Variants in FBXW7 observed in about 807,000 individuals in gnomAD.
FBXW7 encodes the protein F-box and WD repeat domain containing 7.
Under a neutral mutation model 86.3 loss-of-function variants are expected in FBXW7, and 11 were observed. The observed-to-expected ratio is 0.13, with a 90% CI of 0.08 to 0.21. The LOEUF is 0.21. Ranked by LOEUF, FBXW7 falls within the 10% of genes least tolerant of loss-of-function variation. The pLI is 1.00. For synonymous variants in FBXW7, 313 were observed against 297.9 expected (o/e 1.05, Z -0.52); for missense variants, 488 against 847.4 (o/e 0.58, Z 5.27).
At chr4:152,337,611 A>G in intron 7 of FBXW7, 191 bp downstream of exon 7, 1 of 500,310 alleles carries the variant, frequency 2.0e-6, no homozygotes, top group Non-Finnish European at 3.4e-6. Context: ...GTTCACATGC[A>G]TTCTTTAATC....
Position 152,451,796 on chromosome 4 carries a change from GAA to G in FBXW7, c.-119-39269_-119-39268del, listed in dbSNP as rs945207267. 2 of 146,666 alleles carry G rather than the reference GAA, an allele frequency of 1.4e-5. 1 individual carries two copies. The highest frequency in any genetic ancestry group is 4.3e-4 in the South Asian group (2 of 4,650). The allele number at this position is 146,666 out of a possible 1,614,324, so 9.1% of individuals were successfully genotyped here. On this transcript the variant is annotated intron_variant, in intron 2 of 13. Transcript: ENST00000281708. ...AAGACCCTGTCTCAAAAAAAAAAAA[GAA>G]AAAAAAAGTATCAAATAAAAACTTA...
intron 2 of FBXW7, among the ~76,000 whole-genome samples, chr4:152,523,865 A>G (rs532567408): frequency 9.5e-4 from 145 of 152,258 alleles, no homozygotes; most frequent in African/African-American, 3.4e-3. Context: ...GTTTCAAGAG[A>G]GCAGGATTTT....
chr4:152,430,783 A>G (rs1739817964), intron 2 of FBXW7, among the ~76,000 whole-genome samples: 1 of 152,194 alleles, frequency 6.6e-6, no homozygotes. Context: ...AAATTTTCTT[A>G]TCTATATATC....
At chr4:152,427,706 G>C (rs1398877042) in intron 2 of FBXW7, among the ~76,000 whole-genome samples, 1 of 152,094 alleles carries the variant, frequency 6.6e-6, no homozygotes, top group African/African-American at 2.4e-5. Flanking sequence ...AATTATGAAG[G>C]ACTCCCAAAA....
intron 4 of FBXW7, among the ~76,000 whole-genome samples, chr4:152,387,999 C>T (rs1036487995): frequency 2.6e-5 from 4 of 151,920 alleles, no homozygotes; most frequent in Non-Finnish European, 4.4e-5. Flanking sequence ...TGAGCCACAG[C>T]GCCTGGTCAG....
chr4:152,378,461 T>TGCTACACA (rs1211652171), intron 4 of FBXW7, among the ~76,000 whole-genome samples: 4 of 152,162 alleles, frequency 2.6e-5, no homozygotes, highest in Non-Finnish European at 4.4e-5. Flanking sequence ...CTGATGCCTA[T>TGCTACACA]GCTACACAAA....
At chr4:152,339,719 G>A (rs1454323781) in intron 6 of FBXW7, among the ~76,000 whole-genome samples, 1 of 151,960 alleles carries the variant, frequency 6.6e-6, no homozygotes. Flanking sequence ...GAGGCAAGAG[G>A]ATCACTGGAG....
intron 4 of FBXW7, among the ~76,000 whole-genome samples, chr4:152,367,261 A>G (rs564099742): frequency 6.6e-6 from 1 of 152,298 alleles, no homozygotes; most frequent in African/African-American, 2.4e-5. Context: ...TGTACCCTAG[A>G]ACTTAAAGTA....
intron 3 of FBXW7, among the ~76,000 whole-genome samples, chr4:152,412,185 T>C (rs1738026024): frequency 6.6e-6 from 1 of 152,108 alleles, no homozygotes; most frequent in Admixed American, 6.6e-5. Context: ...ACAATTTTAA[T>C]TTTACATCAG....
intron 2 of FBXW7, among the ~76,000 whole-genome samples, chr4:152,440,168 AT>A (rs1473228381): frequency 6.6e-6 from 1 of 152,170 alleles, no homozygotes; most frequent in East Asian, 1.9e-4. Context: ...CTAAATTTAA[AT>A]TCTGGTATAT....
rs772592264 is a variant in FBXW7, at chr4:152,330,756, C to T, written c.1098G>A (p.Arg366=). The T allele has an allele frequency of 5.5e-5, 89 of 1,612,118 alleles. No homozygotes were observed. Among genetic ancestry groups the T allele is most frequent in the South Asian group, 7.7e-5 (7 of 90,970 alleles). ...IRQHRIDTNW[R]RGELKSPKVL... ...CCTTAGGAGATTTGAGTTCTCCTCG[C>T]CTCCAGTTAGTATCAATTCTGTGCT... The change falls in exon 9 of 14, where the codon AGG becomes AGA. Residue 366 remains arginine, a synonymous_variant. Coordinates refer to ENST00000281708, the MANE Select transcript of FBXW7 (RefSeq NM_001349798.2).
chr4:152,437,419 C>T (rs184103818), intron 2 of FBXW7, among the ~76,000 whole-genome samples: 15 of 150,916 alleles, frequency 9.9e-5, no homozygotes, highest in Admixed American at 4.6e-4. Flanking sequence ...ACTGCAGGCG[C>T]GTAGAAATAG....
At position 152,321,053 on chromosome 4, in the gene FBXW7, T is replaced by TCC. The variant is rs746033808; in HGVS notation, c.*1826_*1827dup. 7 of 176,252 alleles carry TCC rather than the reference T, an allele frequency of 4.0e-5. No individual in the cohort carries two copies. Among genetic ancestry groups the TCC allele is most frequent in the Non-Finnish European group, 4.9e-5 (4 of 82,022 alleles). The allele number at this position is 176,252 out of a possible 1,614,324, so 10.9% of individuals were successfully genotyped here. On this transcript the variant is annotated 3_prime_UTR_variant, in exon 14 of 14. Coordinates refer to ENST00000281708, the MANE Select transcript of FBXW7 (RefSeq NM_001349798.2). ...CAGAGATGAGCACAGTGGAGTGTCC[T>TCC]CCTTCATAGTCTAGGAGAGAAATAA...
intron 2 of FBXW7, among the ~76,000 whole-genome samples, chr4:152,420,685 T>C (rs1246286086): frequency 1.3e-5 from 2 of 152,224 alleles, no homozygotes; most frequent in African/African-American, 4.8e-5. Flanking sequence ...ATCAGAGTTC[T>C]TGGGTTACCA....
At chr4:152,459,619 T>C (rs918312991) in intron 2 of FBXW7, among the ~76,000 whole-genome samples, 16 of 152,138 alleles carry the variant, frequency 1.1e-4, no homozygotes, top group African/African-American at 3.4e-4. Context: ...CCCCCACTTA[T>C]CCACAGAGCA....
At chr4:152,356,651 T>G (rs1222334155) in intron 4 of FBXW7, among the ~76,000 whole-genome samples, 1 of 152,214 alleles carries the variant, frequency 6.6e-6, no homozygotes, top group Non-Finnish European at 1.5e-5. Flanking sequence ...GCCAAGCATG[T>G]TGAGACTGAA....
At chr4:152,480,183 C>T (rs1744756026) in intron 2 of FBXW7, among the ~76,000 whole-genome samples, 1 of 152,136 alleles carries the variant, frequency 6.6e-6, no homozygotes, top group South Asian at 2.1e-4. Flanking sequence ...CATGTGCTCA[C>T]TTTGTGTCTC....
chr4:152,408,966 T>C (rs186165736), intron 4 of FBXW7, among the ~76,000 whole-genome samples: 2,187 of 152,290 alleles, frequency 0.014, 38 homozygotes, highest in Non-Finnish European at 0.017. Flanking sequence ...TTAACATATA[T>C]TGCTTGCCAT....
intron 2 of FBXW7, among the ~76,000 whole-genome samples, chr4:152,442,466 T>A (rs1740981319): frequency 6.6e-6 from 1 of 152,234 alleles, no homozygotes; most frequent in South Asian, 2.1e-4. Context: ...TCCATACCTA[T>A]GTTCTGAAAT....
Sources: gnomAD v4.1 joint callset for allele counts (sites outside exome capture counted in the v4.1 genomes callset) on GRCh38, gnomAD v4.1.1 for gene constraint, MANE v1.5 for transcripts, NCBI Gene and HGNC (gene_info 2026-07-23, HGNC 2026-07-21) for gene names.